The following CCDC178 variants were observed in gnomAD, a reference collection of about 807,000 sequenced individuals.
CCDC178 encodes the protein coiled-coil domain containing 178, also known as coiled-coil domain-containing protein 178.
CCDC178 carries 126 observed loss-of-function variants against 117.4 expected under a neutral mutation model. That is an observed-to-expected ratio of 1.07 (90% CI 0.93 to 1.24). The LOEUF is 1.24. Among genes scored for constraint, CCDC178 ranks in the 50% most tolerant of loss-of-function variants. The probability of loss-of-function intolerance (pLI) is 0.00; values close to 1 mark genes in which losing one functional copy is unlikely to be tolerated. For missense variants in CCDC178, 1,030 were observed against 986.9 expected (o/e 1.04, Z -0.59); for synonymous variants, 283 against 313.4 (o/e 0.90, Z 1.02).
intron 21 of CCDC178, among the ~76,000 whole-genome samples, chr18:33,057,912 T>C (rs558325047): frequency 6.6e-6 from 1 of 152,284 alleles, no homozygotes; most frequent in Admixed American, 6.5e-5. Context: ...TGTTTGTCAA[T>C]AGTCATTAGG....
chr18:33,048,983 A>G (rs1257970728), intron 21 of CCDC178, among the ~76,000 whole-genome samples: 1 of 152,136 alleles, frequency 6.6e-6, no homozygotes, highest in African/African-American at 2.4e-5. Flanking sequence ...ATATTTTGTA[A>G]TCTTTAGAGA....
intron 14 of CCDC178, among the ~76,000 whole-genome samples, chr18:33,247,556 T>G (rs1203658608): frequency 2.0e-5 from 3 of 151,878 alleles, no homozygotes; most frequent in Non-Finnish European, 4.4e-5. Context: ...TTTACTCAAA[T>G]AACACAAAAA....
At chr18:33,099,576 T>C (rs2057594272) in intron 20 of CCDC178, among the ~76,000 whole-genome samples, 1 of 152,018 alleles carries the variant, frequency 6.6e-6, no homozygotes, top group African/African-American at 2.4e-5. Context: ...AACCCAAATG[T>C]TTAAAATACA....
At position 33,351,094 on chromosome 18, in the gene CCDC178, A is replaced by C. The variant is rs563845346; in HGVS notation, c.372-2119T>G. ...GTGGGCTTGTGTCACATGTTAACTA[A>C]TTTTCGTATGCTAAACCACTCTTGC... On this transcript the variant is annotated intron_variant, in intron 7 of 22. Coordinates refer to ENST00000383096, the MANE Select transcript of CCDC178 (RefSeq NM_001105528.4). Among the ~76,000 whole-genome samples, 41 of 147,792 alleles carry C rather than the reference A, an allele frequency of 2.8e-4. No individual in the cohort carries two copies. In the Middle Eastern group the frequency reaches 0.011, roughly 39 times the overall value.
intron 21 of CCDC178, among the ~76,000 whole-genome samples, chr18:33,040,615 T>C (rs1161599751): frequency 1.3e-5 from 2 of 151,950 alleles, no homozygotes; most frequent in African/African-American, 4.8e-5. Flanking sequence ...TTTTCTGGGC[T>C]AAAACTCCAA....
rs142061669 is a variant in CCDC178 at position 33,344,979 on chromosome 18, T to G, written c.658+1232A>C. ...ATATATAAAAGTTCTAATCTTTTCT[T>G]GCAACTCTCTGGAATTCATACACCC... is the stretch of plus-strand genomic sequence containing the variant. On this transcript the variant is annotated intron_variant, in intron 9 of 22. Coordinates refer to ENST00000383096, the MANE Select transcript of CCDC178 (RefSeq NM_001105528.4). 5.3e-3 allele frequency among the ~76,000 whole-genome samples: 809 copies of G among 152,234 alleles called. 10 individuals are homozygous for G. The highest frequency in any genetic ancestry group is 0.032 in the Admixed American group (488 of 15,284).
chr18:33,424,529 G>A (rs1479676255), intron 2 of CCDC178, among the ~76,000 whole-genome samples: 2 of 152,150 alleles, frequency 1.3e-5, no homozygotes, highest in African/African-American at 4.8e-5. Flanking sequence ...AGCCACTAGT[G>A]TCTGTAGAAG....
At chr18:32,941,104 C>T (rs748463281) in intron 22 of CCDC178, among the ~76,000 whole-genome samples, 7 of 150,926 alleles carry the variant, frequency 4.6e-5, no homozygotes, top group South Asian at 2.1e-4. Context: ...TTCTGAAAGA[C>T]GCTTACAAAG....
chr18:33,420,905 C>G (rs1324261810), intron 2 of CCDC178, among the ~76,000 whole-genome samples: 1 of 151,988 alleles, frequency 6.6e-6, no homozygotes, highest in African/African-American at 2.4e-5. Context: ...TATAAATAAC[C>G]TATATAAAAG....
intron 5 of CCDC178, among the ~76,000 whole-genome samples, chr18:33,379,382 C>T (rs1359319787): frequency 2.0e-5 from 3 of 151,892 alleles, no homozygotes; most frequent in East Asian, 1.9e-4. Flanking sequence ...GCCACTTATG[C>T]GTGGCAGCCA....
At chr18:33,329,867 A>G (rs1305499672) in intron 10 of CCDC178, among the ~76,000 whole-genome samples, 1 of 115,794 alleles carries the variant, frequency 8.6e-6, no homozygotes, top group African/African-American at 3.4e-5. Flanking sequence ...AGAGTTGGAG[A>G]ATTATTAGAG....
At chr18:33,222,765 T>A (rs2059252071) in intron 18 of CCDC178, among the ~76,000 whole-genome samples, 1 of 150,822 alleles carries the variant, frequency 6.6e-6, no homozygotes, top group Non-Finnish European at 1.5e-5. Context: ...TTCTTCTTCA[T>A]TTTTTTTTGG....
chr18:33,164,034 C>A (rs1402456050), intron 20 of CCDC178, among the ~76,000 whole-genome samples: 1 of 151,598 alleles, frequency 6.6e-6, no homozygotes, highest in Non-Finnish European at 1.5e-5. Context: ...AACTGAGTAT[C>A]CTACATAAGT....
rs750139599 is a variant in CCDC178, at chr18:33,346,406, T to G, written c.463A>C (p.Lys155Gln). Residue 155 changes from lysine (K) to glutamine (Q), a missense_variant, in exon 9 of 23, where the codon AAG becomes CAG. Transcript: ENST00000383096. ...ATTTCCTGCTTTAACTCTGGACACT[T>G]TTCATCTTAAACAGAAATAAATATT... is the stretch of plus-strand genomic sequence containing the variant. ...EVKPGEKRDE[K>Q]CPELKQEMET... 2 of 1,604,946 alleles carry G rather than the reference T, an allele frequency of 1.2e-6. No homozygotes were observed. Among genetic ancestry groups the G allele is most frequent in the Middle Eastern group, 3.3e-4 (2 of 6,028 alleles).
intron 15 of CCDC178, among the ~76,000 whole-genome samples, chr18:33,240,843 G>A (rs1327090744): frequency 6.6e-6 from 1 of 151,806 alleles, no homozygotes; most frequent in Non-Finnish European, 1.5e-5. Context: ...ATTCTTCCTA[G>A]GTCATTCTAT....
chr18:33,401,826 G>T (rs1224904522), intron 3 of CCDC178, among the ~76,000 whole-genome samples: 1 of 151,868 alleles, frequency 6.6e-6, no homozygotes, highest in Non-Finnish European at 1.5e-5. Flanking sequence ...AGTTGAAAAC[G>T]TTAACTATTA....
chr18:32,993,090 C>T (rs970439978), intron 21 of CCDC178, among the ~76,000 whole-genome samples: 4 of 151,984 alleles, frequency 2.6e-5, no homozygotes, highest in South Asian at 2.1e-4. Context: ...TGCTTGAACC[C>T]GGGAGGCAGA....
intron 4 of CCDC178, 46 bp from the exon 5 acceptor site, chr18:33,389,675 T>C (rs527604103): frequency 1.2e-5 from 12 of 994,086 alleles, no homozygotes; most frequent in African/African-American, 5.1e-5. Context: ...GTTAATATTA[T>C]AGAAAATTTT....
chr18:33,383,380 C>G (rs1452526479), intron 5 of CCDC178, among the ~76,000 whole-genome samples: 1 of 151,950 alleles, frequency 6.6e-6, no homozygotes, highest in Admixed American at 6.6e-5. Context: ...GACAGATGAC[C>G]CCCTCAAGTG....
Sources: gnomAD v4.1 joint callset for allele counts (sites outside exome capture counted in the v4.1 genomes callset) on GRCh38, gnomAD v4.1.1 for gene constraint, MANE v1.5 for transcripts, NCBI Gene and HGNC (gene_info 2026-07-23, HGNC 2026-07-21) for gene names.